MYO16: variants seen among roughly 807,000 people sequenced by gnomAD.
MYO16 encodes the protein unconventional myosin-XVI.
MYO16 carries 94 observed loss-of-function variants against 205.3 expected under a neutral mutation model. The ratio of observed to expected loss-of-function variants is 0.46; its 90% CI spans 0.39 to 0.54. MYO16 has a LOEUF of 0.54. Ranked by LOEUF, MYO16 falls within the 20% of genes least tolerant of loss-of-function variation. The probability of loss-of-function intolerance (pLI) is 0.00; values close to 1 mark genes in which losing one functional copy is unlikely to be tolerated. For synonymous variants in MYO16, 988 were observed against 954.0 expected (o/e 1.04, Z -0.66); for missense variants, 2,315 against 2,387.5 (o/e 0.97, Z 0.63).
intron 27 of MYO16, among the ~76,000 whole-genome samples, chr13:109,091,845 G>A (rs755715300): frequency 2.0e-5 from 3 of 152,060 alleles, no homozygotes; most frequent in Non-Finnish European, 4.4e-5. Context: ...ATATTATTTT[G>A]TTGTTCACAA....
intron 12 of MYO16, among the ~76,000 whole-genome samples, chr13:108,876,984 C>CA (rs34654179): frequency 6.6e-6 from 1 of 152,060 alleles, no homozygotes. Flanking sequence ...TATTCTTTTA[C>CA]AAAAAAGCTG....
intron 1 of MYO16, among the ~76,000 whole-genome samples, chr13:108,634,913 T>C (rs1281079377): frequency 6.6e-6 from 1 of 152,164 alleles, no homozygotes; most frequent in Admixed American, 6.6e-5. Context: ...AGATGTCCCC[T>C]TAGGCAGCCC....
intron 24 of MYO16, 104 bp from the exon 25 acceptor site, chr13:109,052,196 C>A: frequency 1.0e-6 from 1 of 956,600 alleles, no homozygotes; most frequent in Non-Finnish European, 1.6e-6. Flanking sequence ...TGACGTCTTG[C>A]ACCCAGAATG....
intron 34 of MYO16, among the ~76,000 whole-genome samples, chr13:109,192,552 G>T (rs1879966612): frequency 6.6e-6 from 1 of 152,088 alleles, no homozygotes; most frequent in Non-Finnish European, 1.5e-5. Context: ...TAAACTATGT[G>T]TCCCAGTATC....
chr13:108,729,299 C>T lies in MYO16; in HGVS notation c.507+1716C>T, dbSNP rs530921608. On this transcript the variant is annotated intron_variant, in intron 4 of 34. Transcript: ENST00000457511. Reference sequence around the variant, plus strand: ...TACAGAAAGGAACCAAATCGCCTTTCGAGTAATGCTGTGACCTGATCAACT... The same window carrying T: ...TACAGAAAGGAACCAAATCGCCTTTTGAGTAATGCTGTGACCTGATCAACT... 9.5e-4 allele frequency among the ~76,000 whole-genome samples: 145 copies of T among 152,212 alleles called. 3 individuals carry two copies. Among genetic ancestry groups the T allele is most frequent in the Non-Finnish European group, 1.6e-3 (111 of 67,998 alleles).
rs536661346 is a variant in MYO16, at chr13:109,080,923, T to C, written c.3336-19862T>C. Among the ~76,000 whole-genome samples, 239 of 152,314 alleles carry C rather than the reference T, an allele frequency of 1.6e-3. 2 individuals carry two copies. The highest frequency in any genetic ancestry group is 5.5e-3 in the African/African-American group (227 of 41,560). On this transcript the variant is annotated intron_variant, in intron 27 of 34. Transcript: ENST00000457511. ...GATTTTAGCAAATGCCTCTGGCCTT[T>C]ATTATGTGCTCTTACCATTCAATTT...
chr13:108,891,934 G>A (rs1308572066), intron 14 of MYO16, among the ~76,000 whole-genome samples: 3 of 152,114 alleles, frequency 2.0e-5, no homozygotes, highest in African/African-American at 7.2e-5. Flanking sequence ...CATGGTGGCG[G>A]TTAGTTGGCA....
chr13:108,856,271 T>C (rs1294770676), intron 11 of MYO16, among the ~76,000 whole-genome samples: 3 of 152,242 alleles, frequency 2.0e-5, no homozygotes, highest in African/African-American at 7.2e-5. Context: ...TCAGAATGTC[T>C]ATAAAGAAAT....
intron 1 of MYO16, among the ~76,000 whole-genome samples, chr13:108,642,424 G>T (rs1337680847): frequency 6.6e-6 from 1 of 152,096 alleles, no homozygotes; most frequent in Non-Finnish European, 1.5e-5. Context: ...AATCAGACAC[G>T]TTGGTAACTT....
chr13:108,886,493 G>A (rs1336836445), intron 13 of MYO16: 1 of 456,216 alleles, frequency 2.2e-6, no homozygotes, highest in Non-Finnish European at 4.4e-6. Flanking sequence ...TATGCGAAAG[G>A]GAAGCTCTCA....
At chr13:108,620,409 G>T (rs547081460) in intron 1 of MYO16, among the ~76,000 whole-genome samples, 1 of 152,244 alleles carries the variant, frequency 6.6e-6, no homozygotes, top group South Asian at 2.1e-4. Context: ...CCACACTGAA[G>T]AAGAGAGGAA....
chr13:108,566,781 GGAAGGAAAGA>G, the MYO16 span, among the ~76,000 whole-genome samples: 1 of 141,758 alleles, frequency 7.1e-6, no homozygotes, highest in Non-Finnish European at 1.5e-5. Flanking sequence ...AAGGAAGGAA[GGAAGGAAAGA>G]GGTACTTAAT....
chr13:109,200,492 G>C (rs1468317941), intron 34 of MYO16, among the ~76,000 whole-genome samples: 1 of 152,132 alleles, frequency 6.6e-6, no homozygotes, highest in Non-Finnish European at 1.5e-5. Flanking sequence ...ATGGTGTCCT[G>C]TACTCACTAC....
chr13:108,619,637 G>C (rs370018624), intron 1 of MYO16, among the ~76,000 whole-genome samples: 1 of 152,170 alleles, frequency 6.6e-6, no homozygotes, highest in Non-Finnish European at 1.5e-5. Context: ...CATCAGTGCA[G>C]CTAACCTGGC....
chr13:109,111,511 A>G (rs1889283834), intron 28 of MYO16, among the ~76,000 whole-genome samples: 1 of 152,210 alleles, frequency 6.6e-6, no homozygotes, highest in Admixed American at 6.5e-5. Flanking sequence ...TCCTTTGAAA[A>G]AGCTGGAAGT....
intron 2 of MYO16, among the ~76,000 whole-genome samples, chr13:108,699,669 C>G (rs1883225364): frequency 6.6e-6 from 1 of 152,152 alleles, no homozygotes; most frequent in Admixed American, 6.5e-5. Context: ...TTTCGGTAAG[C>G]AGACCATTCC....
chr13:108,787,818 G>A (rs1183415440), intron 5 of MYO16, among the ~76,000 whole-genome samples: 2 of 152,166 alleles, frequency 1.3e-5, no homozygotes, highest in East Asian at 1.9e-4. Context: ...CACTGCAGTC[G>A]CTCTGGCCCA....
chr13:109,196,323 C>G (rs981175177), intron 34 of MYO16, among the ~76,000 whole-genome samples: 2 of 152,162 alleles, frequency 1.3e-5, no homozygotes, highest in African/African-American at 4.8e-5. Context: ...TCACCAGTAT[C>G]TTAAGTAGCA....
At chr13:108,628,355 T>C (rs1298239440), upstream of MYO16, among the ~76,000 whole-genome samples, 1 of 152,218 alleles carries the variant, frequency 6.6e-6, no homozygotes, top group Middle Eastern at 3.2e-3. Flanking sequence ...ATTTGGTACA[T>C]ACATAAGTTT....
Sources: gnomAD v4.1 joint callset for allele counts (sites outside exome capture counted in the v4.1 genomes callset) on GRCh38, gnomAD v4.1.1 for gene constraint, MANE v1.5 for transcripts, NCBI Gene and HGNC (gene_info 2026-07-23, HGNC 2026-07-21) for gene names.